The following PLEKHG4B variants were observed in gnomAD, a reference collection of about 807,000 sequenced individuals.
PLEKHG4B encodes the protein pleckstrin homology and RhoGEF domain containing G4B.
Under a neutral mutation model 121.3 loss-of-function variants are expected in PLEKHG4B, and 111 were observed. The observed-to-expected ratio is 0.92, with a 90% CI of 0.78 to 1.07. PLEKHG4B has a LOEUF of 1.07. Among genes scored for constraint, PLEKHG4B ranks in the 50% least tolerant of loss-of-function variants. PLEKHG4B has a pLI of 0.00. For missense variants in PLEKHG4B, 1,831 were observed against 1,757.8 expected, an observed-to-expected ratio of 1.04 and a Z score of -0.74; for synonymous variants, 738 against 725.0, an observed-to-expected ratio of 1.02 and a Z score of -0.29.
At chr5:93,019 G>C (rs1418988129) in intron 1 of PLEKHG4B, among the ~76,000 whole-genome samples, 1 of 152,058 alleles carries the variant, frequency 6.6e-6, no homozygotes, top group Non-Finnish European at 1.5e-5. Flanking sequence ...TCCCTGTTTC[G>C]TGTGAAACTA....
intron 2 of PLEKHG4B, among the ~76,000 whole-genome samples, chr5:120,640 A>G (rs929268203): frequency 6.6e-6 from 1 of 152,188 alleles, no homozygotes; most frequent in East Asian, 1.9e-4. Context: ...CTGTTTCCAA[A>G]TGCATTACAC....
Position 182,004 on chromosome 5 carries a change from A to G in PLEKHG4B, c.4565A>G (p.Glu1522Gly), listed in dbSNP as rs911856667. The change falls in exon 20 of 20, where the codon GAG (glutamate) becomes GGG (glycine). Residue 1522 changes from glutamate to glycine, a missense_variant and splice_region_variant. Coordinates refer to ENST00000637938, the MANE Select transcript of PLEKHG4B (RefSeq NM_052909.5). The stretch of plus-strand genomic sequence containing the variant: ...TGACGTGCTTTCTGTCCCTTTCCAG[A>G]GTCACAAATGAGAGGGTCCACAGCG... ...RVPDSIVKGT[E>G]SQMRGSTAVS... is the part of the protein sequence containing the mutation. The G allele has an allele frequency of 6.2e-6, 10 of 1,612,638 alleles. No homozygotes were observed. The highest frequency in any genetic ancestry group is 8.5e-6 in the Non-Finnish European group (10 of 1,178,790).
At chr5:107,047 C>T (rs1733994914) in intron 1 of PLEKHG4B, among the ~76,000 whole-genome samples, 1 of 152,264 alleles carries the variant, frequency 6.6e-6, no homozygotes. Flanking sequence ...TCTGCAGCTT[C>T]AGGGGCTGCC....
At chr5:161,259 G>T (rs1209571620) in intron 11 of PLEKHG4B, among the ~76,000 whole-genome samples, 2 of 152,224 alleles carry the variant, frequency 1.3e-5, no homozygotes, top group African/African-American at 4.8e-5. Context: ...GCCTCAAGGG[G>T]CCAAGCAGCC....
At chr5:124,478 G>A (rs1045455202) in intron 2 of PLEKHG4B, among the ~76,000 whole-genome samples, 2 of 152,204 alleles carry the variant, frequency 1.3e-5, no homozygotes, top group African/African-American at 4.8e-5. Flanking sequence ...GTGAAACAGT[G>A]AGGTATTGAA....
intron 13 of PLEKHG4B, among the ~76,000 whole-genome samples, chr5:166,426 G>A (rs1178954147): frequency 1.7e-5 from 2 of 120,314 alleles, no homozygotes; most frequent in East Asian, 2.4e-4. Context: ...ATGCTCTGAC[G>A]GGGCGGAGCT....
rs747135473 is a variant in PLEKHG4B at position 171,093 on chromosome 5, G to A, written c.3780G>A (p.Ser1260=). Residue 1260 remains serine, a synonymous_variant, in exon 15 of 20, where the codon TCG becomes TCA. Transcript: ENST00000637938. ...TCTACAGCAAAAACAAGCCGCAGTC[G>A]GATGCCCTGCTCAGCAGCCATGGCA... ...YVIYSKNKPQ[S]DALLSSHGNA... The A allele has an allele frequency of 3.2e-5, 52 of 1,613,504 alleles. No homozygotes were observed. The South Asian group carries it at 4.0e-4, about 12-fold the overall frequency.
chr5:110,746 A>G (rs1196260761), intron 1 of PLEKHG4B, among the ~76,000 whole-genome samples: 1 of 152,142 alleles, frequency 6.6e-6, no homozygotes, highest in Non-Finnish European at 1.5e-5. Context: ...ACTCTGCAAC[A>G]AACGTGCACA....
Position 182,263 on chromosome 5 carries a change from C to T in PLEKHG4B, c.4824C>T (p.Thr1608=). 1 of 1,613,176 alleles carries T rather than the reference C, an allele frequency of 6.2e-7. No homozygotes were observed. The highest frequency in any genetic ancestry group is 1.3e-5 in the African/African-American group (1 of 75,042). The part of the protein sequence containing the change: ...DEPEPELETG[T]QAAVCEGAPA... ...CAGAGCCAGAACTAGAGACGGGCAC[C>T]CAGGCTGCAGTGTGTGAGGGGGCTC... is the stretch of plus-strand genomic sequence containing the variant. Residue 1608 remains threonine, a synonymous_variant, in exon 20 of 20, where the codon ACC becomes ACT. Transcript: ENST00000637938.
chr5:107,204 G>A (rs11746181), intron 1 of PLEKHG4B, among the ~76,000 whole-genome samples: 6,589 of 152,230 alleles, frequency 0.043, 210 homozygotes, highest in Non-Finnish European at 0.058. Flanking sequence ...CTGCTGAGGC[G>A]GCCACATGTA....
At chr5:174,476 G>A (rs1421384107) in intron 18 of PLEKHG4B, among the ~76,000 whole-genome samples, 1 of 152,130 alleles carries the variant, frequency 6.6e-6, no homozygotes, top group African/African-American at 2.4e-5. Context: ...GTTGGGAGCT[G>A]GGCTATCAAC....
Position 159,234 on chromosome 5 carries a change from A to G in PLEKHG4B, c.2487+2323A>G, listed in dbSNP as rs381261. Among the ~76,000 whole-genome samples, 7 of 103,790 alleles carry G rather than the reference A, an allele frequency of 6.7e-5. No individual in the cohort carries two copies. The highest frequency in any genetic ancestry group is 1.7e-4 in the Admixed American group (2 of 11,920). 68.1% of individuals were successfully genotyped at this position (103,790 alleles called of 152,430 possible). On this transcript the variant is annotated intron_variant, in intron 11 of 19. Coordinates refer to ENST00000637938, the MANE Select transcript of PLEKHG4B (RefSeq NM_052909.5). This position sits in a 1 kb window ranked among gnomAD's most constrained non-coding sequence, Gnocchi z 5.5. ...GTGTGCCTGAGGGTCGCCCAGGTGCACTGAGGGCAGGTGTGCCTGAGGGTC... is the reference window on the plus strand; with the variant it reads ...GTGTGCCTGAGGGTCGCCCAGGTGCGCTGAGGGCAGGTGTGCCTGAGGGTC...
chr5:154,621 CTT>C (rs35893349), intron 7 of PLEKHG4B, among the ~76,000 whole-genome samples: 167 of 131,814 alleles, frequency 1.3e-3, no homozygotes, highest in African/African-American at 3.4e-3. Context: ...TCCTTCCTCC[CTT>C]TTTTTTTTTT....
rs1014718228 is a variant in PLEKHG4B at position 139,719 on chromosome 5, G to A, written c.480G>A (p.Thr160=). Residue 160 remains threonine (T), a synonymous_variant, in exon 3 of 20, where the codon ACG becomes ACA. Transcript: ENST00000637938. The surrounding 1 kb of genome is among the most constrained non-coding windows in gnomAD (Gnocchi z 5.0). ...AGGCCATGTATGGCTGTGTCTTCAC[G>A]GGGGCGTTCCTGGAGTGGGTGAACC... is the stretch of plus-strand genomic sequence containing the variant. ...VPEAMYGCVF[T]GAFLEWVNRE... is the part of the protein sequence containing the mutation. 16 of 398,772 alleles carry A rather than the reference G, an allele frequency of 4.0e-5. No individual in the cohort carries two copies. The highest frequency in any genetic ancestry group is 5.3e-5 in the Non-Finnish European group (12 of 226,178). 24.7% of individuals were successfully genotyped at this position (398,772 alleles called of 1,614,324 possible).
At position 108,684 on chromosome 5, in the gene PLEKHG4B, G is replaced by A. The variant is rs570607176; in HGVS notation, c.46-4567G>A. Among the ~76,000 whole-genome samples the A allele has an allele frequency of 1.8e-4, 21 of 118,040 alleles. No homozygotes were observed. In the South Asian group the frequency reaches 3.3e-3, roughly 18 times the overall value. 77.4% of individuals were successfully genotyped at this position (118,040 alleles called of 152,430 possible). ...GACAGACTGGGTGCAGATGGCTGGT[G>A]TAGACTGAGTGCAGATGGCTGGTGT... On this transcript the variant is annotated intron_variant, in intron 1 of 19. Coordinates refer to ENST00000637938, the MANE Select transcript of PLEKHG4B (RefSeq NM_052909.5).
intron 2 of PLEKHG4B, among the ~76,000 whole-genome samples, chr5:123,557 T>C (rs958181261): frequency 6.6e-6 from 1 of 152,200 alleles, no homozygotes; most frequent in African/African-American, 2.4e-5. Context: ...TTAGCAGTCA[T>C]AGGTATATGC....
chr5:172,766 C>T (rs1415174830), intron 16 of PLEKHG4B, 131 bp from the exon 17 acceptor site: 1 of 1,014,150 alleles, frequency 9.9e-7, no homozygotes, highest in Admixed American at 1.9e-5. Context: ...GCGGATTTGC[C>T]AGATTTTATG....
chr5:95,895 T>C (rs1222389366), intron 1 of PLEKHG4B, among the ~76,000 whole-genome samples: 1 of 152,166 alleles, frequency 6.6e-6, no homozygotes, highest in Admixed American at 6.5e-5. Context: ...CTCTTCAGTG[T>C]CTGCTGGTGG....
rs1292159443 is a variant in PLEKHG4B at position 183,991 on chromosome 5, C to CGATCGATCGATCGATCGATA, written c.*1671_*1672insCGATCGATCGATCGATAGAT. ...CAGACAGATAGATAGATAGATAGATCGATAGATAGATAGATAGATAGATAG... is the reference window on the plus strand; with the variant it reads ...CAGACAGATAGATAGATAGATAGATCGATCGATCGATCGATCGATAGATAGATAGATAGATAGATAGATAG... On this transcript the variant is annotated 3_prime_UTR_variant, in exon 20 of 20. Coordinates refer to ENST00000637938, the MANE Select transcript of PLEKHG4B (RefSeq NM_052909.5). The CGATCGATCGATCGATCGATA allele has an allele frequency of 5.7e-5, 6 of 104,708 alleles. No individual in the cohort carries two copies. Among genetic ancestry groups the CGATCGATCGATCGATCGATA allele is most frequent in the African/African-American group, 1.5e-4 (5 of 34,228 alleles). 6.5% of individuals were successfully genotyped at this position (104,708 alleles called of 1,614,324 possible). A position where few individuals can be genotyped will look rare whatever the true frequency, so the allele number is the denominator to read the frequency against.
Sources: gnomAD v4.1 joint callset for allele counts (sites outside exome capture counted in the v4.1 genomes callset) on GRCh38, gnomAD v4.1.1 for gene constraint, Gnocchi (gnomAD v3.1) non-coding constraint, MANE v1.5 for transcripts, NCBI Gene and HGNC (gene_info 2026-07-23, HGNC 2026-07-21) for gene names.